Variants in SYCE1 observed in about 807,000 individuals in gnomAD.
SYCE1 encodes cancer/testis antigen 76.
Under a neutral mutation model 55.1 loss-of-function variants are expected in SYCE1, and 37 were observed. That is an observed-to-expected ratio of 0.67 (90% confidence interval 0.52 to 0.88). The LOEUF (loss-of-function observed/expected upper bound fraction) is 0.88. SYCE1 is among the 40% of genes least tolerant of loss of function. The pLI is 0.00. For missense variants in SYCE1, 399 were observed against 416.4 expected (o/e 0.96, Z 0.36); for synonymous variants, 163 against 159.4 (o/e 1.02, Z -0.17).
rs1437579859 is a variant in SYCE1 at position 133,557,236 on chromosome 10, A to T, written c.375-80T>A. On this transcript the variant is annotated intron_variant, in intron 6 of 12. Coordinates refer to ENST00000343131, the MANE Select transcript of SYCE1 (RefSeq NM_001143764.3). ...TGGGCTGGGGCTTCTGCCTCCCTCT[A>T]TTGAGGCTATTTTTTCCCTCTACAT... 5 of 1,175,912 alleles carry T rather than the reference A, an allele frequency of 4.3e-6. No homozygotes were observed. In the African/African-American group the frequency reaches 7.5e-5, roughly 18 times the overall value. 72.8% of individuals were successfully genotyped at this position (1,175,912 alleles called of 1,614,324 possible). A position where few individuals can be genotyped will look rare whatever the true frequency, so the allele number is the denominator to read the frequency against.
At chr10:133,554,448 G>C, downstream of SYCE1, 1 of 895,134 alleles carries the variant, frequency 1.1e-6, no homozygotes, top group Non-Finnish European at 1.9e-6. Context: ...TTTGAAACAT[G>C]TATCAGATGC....
chr10:133,567,871 C>T, upstream of SYCE1: 1 of 472,708 alleles, frequency 2.1e-6, no homozygotes, highest in Non-Finnish European at 4.1e-6. Context: ...ATGGTCTCCT[C>T]TAGGTGGGAG....
downstream of SYCE1, chr10:133,554,664 G>A (rs750741035): frequency 8.2e-6 from 6 of 732,056 alleles, no homozygotes; most frequent in Middle Eastern, 2.4e-4. Context: ...ATTTCAGGGA[G>A]TCTGTGTAGT....
chr10:133,557,758 G>C (rs8181294), intron 6 of SYCE1, 106 bp downstream of exon 6: 143,419 of 1,298,206 alleles, frequency 0.11, 9,099 homozygotes, highest in East Asian at 0.27. Flanking sequence ...CCATTGTTTA[G>C]AGGGAAACAA....
intron 9 of SYCE1, 27 bp downstream of exon 9, chr10:133,555,954 T>A: frequency 6.2e-7 from 1 of 1,614,054 alleles, no homozygotes; most frequent in Non-Finnish European, 8.5e-7. Context: ...AGGTCAGATA[T>A]GGGCCATCCA....
At position 133,555,861 on chromosome 10, in the gene SYCE1, A is replaced by G; in HGVS notation, c.638T>C (p.Leu213Pro). ...GCCCTCAGCCCCACACAGGGAGCAC[A>G]GCTGATGCTTCACGTCTTCCAGTGT... The part of the protein sequence containing the change: ...KATLEDVKHQ[L>P]CSLCGAEGPS... The change falls in exon 10 of 13, where the codon CTG becomes CCG. Residue 213 changes from leucine to proline, a missense_variant. Coordinates refer to ENST00000343131, the MANE Select transcript of SYCE1 (RefSeq NM_001143764.3). 6.2e-7 allele frequency: 1 copy of G among 1,614,126 alleles called. No individual in the cohort carries two copies. Among genetic ancestry groups the G allele is most frequent in the Non-Finnish European group, 8.5e-7 (1 of 1,180,010 alleles).
chr10:133,562,939 G>C (rs889367493), intron 1 of SYCE1, among the ~76,000 whole-genome samples: 1 of 149,176 alleles, frequency 6.7e-6, no homozygotes, highest in African/African-American at 2.4e-5. Flanking sequence ...CAACATATTT[G>C]GGTGAGGACA....
intron 1 of SYCE1, among the ~76,000 whole-genome samples, chr10:133,565,019 G>A (rs996992311): frequency 4.6e-5 from 7 of 152,178 alleles, no homozygotes; most frequent in Admixed American, 1.3e-4. Flanking sequence ...TCCCCGGGGC[G>A]TCGGGATGCT....
intron 8 of SYCE1, 140 bp downstream of exon 8, chr10:133,556,619 G>A: frequency 1.2e-6 from 1 of 842,292 alleles, no homozygotes; most frequent in Non-Finnish European, 1.9e-6. Context: ...CAAGGGACTG[G>A]ATTCAGGCAA....
At chr10:133,567,769 G>A (rs1851982416), upstream of SYCE1, 1 of 310,850 alleles carries the variant, frequency 3.2e-6, no homozygotes, top group Admixed American at 3.9e-5. Context: ...GGCGGCTCTG[G>A]AGTGTGGCTG....
At chr10:133,564,345 C>T in intron 1 of SYCE1, 3 of 966,970 alleles carry the variant, frequency 3.1e-6, no homozygotes, top group Non-Finnish European at 2.5e-6. Context: ...AGAAATAAGG[C>T]ATTTCTGTTG....
At position 133,557,822 on chromosome 10, in the gene SYCE1, TAA is replaced by T. The variant is rs773722142; in HGVS notation, c.374+40_374+41del. On this transcript the variant is annotated intron_variant, in intron 6 of 12. Coordinates refer to ENST00000343131, the MANE Select transcript of SYCE1 (RefSeq NM_001143764.3). ...CCTGCCTCTTTCTGCTCTACCAGAA[TAA>T]AGAGGTAGTGCAGAGTTAGGCTCAG... 1.7e-5 allele frequency: 28 copies of T among 1,607,216 alleles called. No individual in the cohort carries two copies. In the South Asian group the frequency reaches 3.1e-4, roughly 18 times the overall value.
chr10:133,563,637 C>A (rs1272047834), intron 1 of SYCE1, among the ~76,000 whole-genome samples: 3 of 148,916 alleles, frequency 2.0e-5, no homozygotes, highest in Non-Finnish European at 4.4e-5. Context: ...CTGCAGTGAG[C>A]AGTGATTGTA....
rs1178592608 is a variant in SYCE1, at chr10:133,556,747, T to C, written c.528+12A>G. The C allele has an allele frequency of 6.4e-7, 1 of 1,558,192 alleles. No individual in the cohort carries two copies. The highest frequency in any genetic ancestry group is 8.7e-7 in the Non-Finnish European group (1 of 1,150,850). On this transcript the variant is annotated intron_variant, in intron 8 of 12. Transcript: ENST00000343131. ...GATGTGGAAGGGGGAGGAGTGGCTT[T>C]GAGGGACTCACGTGGAAGTCCCAGA... is the stretch of plus-strand genomic sequence containing the variant.
intron 8 of SYCE1, chr10:133,556,381 G>C (rs968490044): frequency 3.7e-6 from 2 of 535,512 alleles, no homozygotes; most frequent in Non-Finnish European, 6.7e-6. Context: ...ACTCCCCTCT[G>C]TCCTGGTGTG....
rs143005509 is a variant in SYCE1 at position 133,555,649 on chromosome 10, G to A, written c.778C>T (p.Arg260Cys). 4.4e-5 allele frequency: 71 copies of A among 1,605,054 alleles called. No individual in the cohort carries two copies. The highest frequency in any genetic ancestry group is 6.7e-5 in the Admixed American group (4 of 59,986). Residue 260 changes from arginine (R) to cysteine (C), a missense_variant, in exon 11 of 13, where the codon CGC becomes TGC. By Grantham distance (180) the Arg-to-Cys change is radical. Transcript: ENST00000343131. ...AEELLAAAAQ[R>C]HQQLQQKCQQ... ...CACTTCTGCTGCAGCTGCTGGTGGC[G>A]CTGGGCAGCAGCTGCTAGGAGCTCC...
chr10:133,554,884 A>T lies in SYCE1; in HGVS notation c.*108T>A. 3 of 1,458,158 alleles carry T rather than the reference A, an allele frequency of 2.1e-6. No homozygotes were observed. The highest frequency in any genetic ancestry group is 1.9e-4 in the Middle Eastern group (1 of 5,374). 90.3% of individuals were successfully genotyped at this position (1,458,158 alleles called of 1,614,324 possible). A position where few individuals can be genotyped will look rare whatever the true frequency, so the allele number is the denominator to read the frequency against. On this transcript the variant is annotated 3_prime_UTR_variant, in exon 13 of 13. Transcript: ENST00000343131. Reference sequence around the variant, plus strand: ...AGCATTTATTGAAAACCTGTGATGTACCTCTGGCCCAGACCAAGAGGCAGA... The same window carrying T: ...AGCATTTATTGAAAACCTGTGATGTTCCTCTGGCCCAGACCAAGAGGCAGA...
chr10:133,564,487 G>A, intron 1 of SYCE1: 1 of 949,546 alleles, frequency 1.1e-6, no homozygotes, highest in Non-Finnish European at 1.3e-6. Flanking sequence ...TAATGAAAGG[G>A]ATACGTTTGC....
upstream of SYCE1, among the ~76,000 whole-genome samples, chr10:133,567,203 G>A (rs139710648): frequency 2.2e-3 from 336 of 151,714 alleles, 1 homozygote; most frequent in African/African-American, 7.6e-3. Context: ...TAGAATTAGG[G>A]GTTAGGGTTA....
Sources: gnomAD v4.1 joint callset for allele counts (sites outside exome capture counted in the v4.1 genomes callset) on GRCh38, gnomAD v4.1.1 for gene constraint, MANE v1.5 for transcripts, NCBI Gene and HGNC (gene_info 2026-07-23, HGNC 2026-07-21) for gene names.